The following DNAH6 variants were observed in gnomAD, a reference collection of about 807,000 sequenced individuals.
DNAH6 encodes the protein axonemal beta dynein heavy chain 6.
A neutral mutation model predicts 491.4 loss-of-function variants in DNAH6; 340 were observed. That is an observed-to-expected ratio of 0.69 (90% CI 0.63 to 0.76). The LOEUF (loss-of-function observed/expected upper bound fraction) is 0.76, where lower values mean the gene tolerates loss of function less well. Among genes scored for constraint, DNAH6 ranks in the 30% least tolerant of loss-of-function variants. The pLI is 0.00. For missense variants in DNAH6, 4,443 were observed against 4,972.2 expected (o/e 0.89, Z 3.20); for synonymous variants, 1,603 against 1,686.1 (o/e 0.95, Z 1.21).
At chr2:84,703,245 A>G (rs1220157361) in intron 49 of DNAH6, 150 bp from the exon 50 acceptor site, 5 of 597,934 alleles carry the variant, frequency 8.4e-6, no homozygotes, top group African/African-American at 7.5e-5. Flanking sequence ...ACATTTCCCA[A>G]TTTGTAATAT....
intron 29 of DNAH6, 99 bp downstream of exon 29, chr2:84,625,162 C>A: frequency 1.8e-6 from 2 of 1,127,358 alleles, no homozygotes; most frequent in East Asian, 2.9e-5. Context: ...GGAGTGATGA[C>A]AAGCAAGAGA....
At chr2:84,701,916 C>G (rs1695940679) in intron 49 of DNAH6, among the ~76,000 whole-genome samples, 1 of 152,114 alleles carries the variant, frequency 6.6e-6, no homozygotes, top group South Asian at 2.1e-4. Context: ...AAAAGTGTTT[C>G]CTGCTGTTGG....
rs1165630375 is a variant in DNAH6, at chr2:84,658,398, A to G, written c.5864A>G (p.Asp1955Gly). The change falls in exon 36 of 77, where the codon GAC (aspartate) becomes GGC (glycine). Residue 1955 changes from aspartate to glycine, a missense_variant. Asp to Gly is a moderately conservative substitution (Grantham distance 94). Coordinates refer to ENST00000389394, the MANE Select transcript of DNAH6 (RefSeq NM_001370.2). ...KKCSQAIPQV[D>G]ISKVTTLCCL... ...TGCAGCCAAGCAATTCCACAAGTGG[A>G]CATCAGCAAAGTTACTACACTCTGT... is the stretch of plus-strand genomic sequence containing the variant. 1 of 1,549,452 alleles carries G rather than the reference A, an allele frequency of 6.5e-7. No individual in the cohort carries two copies. Among genetic ancestry groups the G allele is most frequent in the Non-Finnish European group, 8.7e-7 (1 of 1,145,690 alleles).
chr2:84,772,451 C>T (rs1225586147), intron 64 of DNAH6, among the ~76,000 whole-genome samples: 2 of 151,966 alleles, frequency 1.3e-5, no homozygotes, highest in Non-Finnish European at 2.9e-5. Context: ...TACATGCTGC[C>T]TACAAGAGAT....
chr2:84,803,311 G>C (rs572683026), intron 70 of DNAH6, among the ~76,000 whole-genome samples: 1 of 152,284 alleles, frequency 6.6e-6, no homozygotes, highest in South Asian at 2.1e-4. Flanking sequence ...GGGGGAAAAG[G>C]AAGGAAGAAA....
chr2:84,558,845 G>A lies in DNAH6; in HGVS notation c.1803+910G>A, dbSNP rs116261533. Reference sequence around the variant, plus strand: ...GCTTGCTTCTCTCCTACATTTCTGGGTAACCTAATCTCCTGTATGGAAAAA... The same window carrying A: ...GCTTGCTTCTCTCCTACATTTCTGGATAACCTAATCTCCTGTATGGAAAAA... On this transcript the variant is annotated intron_variant, in intron 11 of 76. Coordinates refer to ENST00000389394, the MANE Select transcript of DNAH6 (RefSeq NM_001370.2). Among the ~76,000 whole-genome samples the A allele has an allele frequency of 5.9e-3, 898 of 152,206 alleles. 13 individuals are homozygous for A. The highest frequency in any genetic ancestry group is 0.021 in the African/African-American group (863 of 41,532).
chr2:84,604,292 T>C (rs1285977677), intron 18 of DNAH6, 47 bp from the exon 19 acceptor site: 2 of 1,440,552 alleles, frequency 1.4e-6, no homozygotes, highest in Non-Finnish European at 1.9e-6. Flanking sequence ...GTGGGTTATA[T>C]TTTTAAGATA....
chr2:84,503,881 T>G, the DNAH6 span, among the ~76,000 whole-genome samples: 17 of 152,250 alleles, frequency 1.1e-4, no homozygotes, highest in African/African-American at 4.1e-4. Flanking sequence ...TGAGATAGTC[T>G]TCTTTGGATT....
chr2:84,609,252 T>G (rs1686078747), intron 21 of DNAH6, among the ~76,000 whole-genome samples: 1 of 152,204 alleles, frequency 6.6e-6, no homozygotes, highest in South Asian at 2.1e-4. Context: ...CATTTTTAAT[T>G]TCCTTCAAGA....
At chr2:84,748,556 A>G (rs190659638) in intron 63 of DNAH6, among the ~76,000 whole-genome samples, 1 of 152,294 alleles carries the variant, frequency 6.6e-6, no homozygotes, top group African/African-American at 2.4e-5. Flanking sequence ...TTTCCATCTG[A>G]GACTTTATCA....
chr2:84,636,095 T>C (rs1688852350), intron 30 of DNAH6, among the ~76,000 whole-genome samples: 1 of 152,194 alleles, frequency 6.6e-6, no homozygotes, highest in Admixed American at 6.5e-5. Context: ...GATCATTCCT[T>C]ACTGGTCTCC....
the DNAH6 span, among the ~76,000 whole-genome samples, chr2:84,493,575 G>A: frequency 6.6e-6 from 1 of 152,114 alleles, no homozygotes; most frequent in East Asian, 1.9e-4. Context: ...AACAAATGCT[G>A]AAAAATTTCT....
Position 84,688,428 on chromosome 2 carries a change from A to G in DNAH6, c.7138-11A>G, listed in dbSNP as rs74500555. 577 of 1,480,100 alleles carry G rather than the reference A, an allele frequency of 3.9e-4. No individual in the cohort carries two copies. The African/African-American group carries it at 6.7e-3, about 17-fold the overall frequency. 91.7% of individuals were successfully genotyped at this position (1,480,100 alleles called of 1,614,324 possible). On this transcript the variant is annotated splice_polypyrimidine_tract_variant and intron_variant, in intron 44 of 76. Transcript: ENST00000389394. ...ATTGATCCAACTTGGTTCTTCTCCC[A>G]TAAATTATAGTTTGGAGCAGATAAA...
At chr2:84,673,058 A>G (rs1452280662) in intron 40 of DNAH6, among the ~76,000 whole-genome samples, 2 of 152,020 alleles carry the variant, frequency 1.3e-5, no homozygotes, top group Admixed American at 6.5e-5. Context: ...GAGTGGTGAG[A>G]GGGGAGAGAC....
In DNAH6 at chr2:84,547,631, C is replaced by T. The variant is rs1265933052; in HGVS notation, c.1186+19C>T. ...TTTGAGGGTATGAAGGGGAAAGAACCTCAATATATCAGAAGTGGTGGCTTT... is the reference window on the plus strand; with the variant it reads ...TTTGAGGGTATGAAGGGGAAAGAACTTCAATATATCAGAAGTGGTGGCTTT... On this transcript the variant is annotated intron_variant, in intron 7 of 76. Transcript: ENST00000389394. The T allele has an allele frequency of 3.9e-6, 6 of 1,549,168 alleles. No individual in the cohort carries two copies. The highest frequency in any genetic ancestry group is 3.5e-6 in the Non-Finnish European group (4 of 1,145,634).
chr2:84,678,367 TG>T (rs1481054753), intron 41 of DNAH6, among the ~76,000 whole-genome samples: 8 of 152,324 alleles, frequency 5.3e-5, no homozygotes, highest in African/African-American at 1.9e-4. Flanking sequence ...CACACTTTTT[TG>T]AGAACTTTTA....
intron 64 of DNAH6, among the ~76,000 whole-genome samples, chr2:84,776,023 G>A (rs1416137716): frequency 6.6e-6 from 1 of 152,138 alleles, no homozygotes; most frequent in Non-Finnish European, 1.5e-5. Flanking sequence ...TAGTTGGTAT[G>A]ACACTTGGAT....
chr2:84,618,449 A>T (rs1338181535), intron 23 of DNAH6, among the ~76,000 whole-genome samples: 1 of 152,112 alleles, frequency 6.6e-6, no homozygotes, highest in Non-Finnish European at 1.5e-5. Flanking sequence ...CTGGAAAGAG[A>T]TTCTAGAAAT....
chr2:84,771,295 A>G (rs1182814032), intron 64 of DNAH6, among the ~76,000 whole-genome samples: 1 of 152,132 alleles, frequency 6.6e-6, no homozygotes, highest in Non-Finnish European at 1.5e-5. Context: ...TCTCAAAAAA[A>G]AAAAACAAAA....
Sources: allele counts gnomAD v4.1 joint callset (sites outside exome capture counted in the v4.1 genomes callset), GRCh38; gene constraint gnomAD v4.1.1; transcripts MANE v1.5; gene names NCBI Gene and HGNC (gene_info 2026-07-23, HGNC 2026-07-21).